Variants in RASA4B observed in about 807,000 individuals in gnomAD.
RASA4B encodes ras GTPase-activating protein 4B.
RASA4B carries 2 observed loss-of-function variants against 24.2 expected under a neutral mutation model. The ratio of observed to expected loss-of-function variants is 0.08; its 90% confidence interval spans 0.03 to 0.26. RASA4B has a LOEUF of 0.26. Ranked by LOEUF, RASA4B falls within the 10% of genes least tolerant of loss-of-function variation. The pLI, the probability that RASA4B is intolerant of heterozygous loss-of-function variation, is 1.00. For synonymous variants in RASA4B, 2 were observed against 125.6 expected (o/e 0.02, Z 6.58); for missense variants, 8 against 277.2 (o/e 0.03, Z 6.90).
rs1228656425 is a variant in RASA4B, at chr7:102,481,055, C to A, written c.*2537G>T. Among the ~76,000 whole-genome samples the A allele has an allele frequency of 3.3e-5, 3 of 91,008 alleles. No homozygotes were observed. Among genetic ancestry groups the A allele is most frequent in the African/African-American group, 9.3e-5 (3 of 32,200 alleles). The allele number at this position is 91,008 out of a possible 152,430, so 59.7% of individuals were successfully genotyped here. On this transcript the variant is annotated 3_prime_UTR_variant, in exon 21 of 21. Transcript: ENST00000465829. ...TGTTTTGTTGCAATTGGTTAAATAT[C>A]TTCTCTTTTTTATACTTTTTATTGT...
intron 8 of RASA4B, among the ~76,000 whole-genome samples, chr7:102,498,489 T>TAGGA (rs1425624802): frequency 2.1e-5 from 3 of 145,152 alleles, no homozygotes; most frequent in Non-Finnish European, 4.6e-5. Flanking sequence ...CTTGAACTCC[T>TAGGA]GATCTCATGA....
intron 17 of RASA4B, among the ~76,000 whole-genome samples, chr7:102,489,574 C>G (rs1375867476): frequency 6.8e-6 from 1 of 147,322 alleles, no homozygotes; most frequent in Non-Finnish European, 1.5e-5. Flanking sequence ...CTCACTGCAA[C>G]CTCCACCTCC....
At chr7:102,509,106 C>CA (rs1799628428) in intron 4 of RASA4B, among the ~76,000 whole-genome samples, 1 of 89,348 alleles carries the variant, frequency 1.1e-5, no homozygotes, top group Non-Finnish European at 2.3e-5. Flanking sequence ...CGTGCCCGGC[C>CA]TTTTTTTTAA....
At chr7:102,489,583 C>T (rs1362023341) in intron 17 of RASA4B, among the ~76,000 whole-genome samples, 6 of 147,832 alleles carry the variant, frequency 4.1e-5, no homozygotes, top group Non-Finnish European at 7.5e-5. Flanking sequence ...ACCTCCACCT[C>T]CCAGGTTCAA....
At chr7:102,506,326 C>G (rs1269647336) in intron 5 of RASA4B, among the ~76,000 whole-genome samples, 2 of 152,264 alleles carry the variant, frequency 1.3e-5, no homozygotes, top group Non-Finnish European at 2.9e-5. Context: ...TCTCGGCTCA[C>G]TGCAACCTCT....
intron 5 of RASA4B, among the ~76,000 whole-genome samples, chr7:102,506,311 C>T (rs1452281382): frequency 3.9e-5 from 6 of 152,262 alleles, no homozygotes; most frequent in African/African-American, 1.2e-4. Flanking sequence ...AGTGCAGTGG[C>T]GCCATCTCGG....
At chr7:102,507,510 C>CAAAA in intron 4 of RASA4B, among the ~76,000 whole-genome samples, 2 of 97,680 alleles carry the variant, frequency 2.0e-5, no homozygotes, top group Non-Finnish European at 4.1e-5. Flanking sequence ...GACCCCATCT[C>CAAAA]AAAAAAAAAA....
intron 2 of RASA4B, among the ~76,000 whole-genome samples, chr7:102,511,429 G>A (rs1273849725): frequency 8.9e-6 from 1 of 112,756 alleles, no homozygotes; most frequent in Non-Finnish European, 1.9e-5. Context: ...GCCAGGACCA[G>A]GGAGGGGAAG....
chr7:102,500,130 A>G (rs1799308542), intron 8 of RASA4B, among the ~76,000 whole-genome samples: 1 of 17,796 alleles, frequency 5.6e-5, no homozygotes, highest in Non-Finnish European at 1.5e-4. Flanking sequence ...TCCATCTCAA[A>G]AAAAAGACAG....
intron 19 of RASA4B, among the ~76,000 whole-genome samples, chr7:102,484,740 C>CGAA (rs1798649675): frequency 6.7e-6 from 1 of 149,488 alleles, no homozygotes; most frequent in African/African-American, 2.4e-5. Flanking sequence ...AACCACTGGA[C>CGAA]GAAGCAAGAT....
In RASA4B at chr7:102,509,106, C is replaced by CTTTT. The variant is rs1172102959; in HGVS notation, c.298+489_298+492dup. 5.6e-5 allele frequency among the ~76,000 whole-genome samples: 5 copies of CTTTT among 89,348 alleles called. No individual in the cohort carries two copies. In the East Asian group the frequency reaches 1.4e-3, roughly 24 times the overall value. The allele number at this position is 89,348 out of a possible 152,430, so 58.6% of individuals were successfully genotyped here. A position where few individuals can be genotyped will look rare whatever the true frequency, so the allele number is the denominator to read the frequency against. On this transcript the variant is annotated intron_variant, in intron 4 of 20. Transcript: ENST00000465829. ...ACAGGTGTGAGCCACCGTGCCCGGC[C>CTTTT]TTTTTTTTAAAAAAAAACTATATAA...
intron 16 of RASA4B, among the ~76,000 whole-genome samples, chr7:102,491,949 C>CAA (rs1247978634): frequency 4.2e-5 from 1 of 23,900 alleles, no homozygotes; most frequent in African/African-American, 7.2e-5. Flanking sequence ...CCCATCTCCG[C>CAA]AAAAAAAAAA....
rs1451420428 is a variant in RASA4B at position 102,480,974 on chromosome 7, G to C, written c.*2618C>G. On this transcript the variant is annotated 3_prime_UTR_variant, in exon 21 of 21. Transcript: ENST00000465829. The stretch of plus-strand genomic sequence containing the variant: ...AATTAATAATTCCAATCATCCTATA[G>C]TTGATTAGTGTTCAAATTTCCAATT... 1.1e-5 allele frequency among the ~76,000 whole-genome samples: 1 copy of C among 89,854 alleles called. No homozygotes were observed. Among genetic ancestry groups the C allele is most frequent in the Admixed American group, 1.1e-4 (1 of 8,884 alleles). The allele number at this position is 89,854 out of a possible 152,430, so 58.9% of individuals were successfully genotyped here.
chr7:102,487,353 A>G lies in RASA4B; in HGVS notation c.2104+1110T>C, dbSNP rs1798760358. Among the ~76,000 whole-genome samples the G allele has an allele frequency of 4.0e-5, 2 of 49,998 alleles. 1 individual carries two copies. Among genetic ancestry groups the G allele is most frequent in the African/African-American group, 8.9e-5 (2 of 22,384 alleles). The allele number at this position is 49,998 out of a possible 152,430, so 32.8% of individuals were successfully genotyped here. A position where few individuals can be genotyped will look rare whatever the true frequency, so the allele number is the denominator to read the frequency against. On this transcript the variant is annotated intron_variant, in intron 18 of 20. Transcript: ENST00000465829. Reference sequence around the variant, plus strand: ...TCAAGCCACATTTCAAGTGCTCAAGAACCACAGGTGCTAGAACCTAGAGTA... The same window carrying G: ...TCAAGCCACATTTCAAGTGCTCAAGGACCACAGGTGCTAGAACCTAGAGTA...
In RASA4B at chr7:102,493,690, C is replaced by G. The variant is rs557445924; in HGVS notation, c.1660+135G>C. 367 of 226,438 alleles carry G rather than the reference C, an allele frequency of 1.6e-3. 108 individuals are homozygous for G. Among genetic ancestry groups the G allele is most frequent in the African/African-American group, 6.4e-3 (314 of 49,184 alleles). 14.0% of individuals were successfully genotyped at this position (226,438 alleles called of 1,614,324 possible). On this transcript the variant is annotated intron_variant, in intron 15 of 20. Transcript: ENST00000465829. Reference sequence around the variant, plus strand: ...GGTGCGTGGGTCTATGGCCTAGGGGCCTGGCAAATGCCAACAGCAGGCGGT... The same window carrying G: ...GGTGCGTGGGTCTATGGCCTAGGGGGCTGGCAAATGCCAACAGCAGGCGGT...
intron 16 of RASA4B, among the ~76,000 whole-genome samples, chr7:102,492,495 CCT>C (rs1188438400): frequency 2.6e-5 from 2 of 75,750 alleles, no homozygotes; most frequent in Admixed American, 2.0e-4. Context: ...GGAAGCCTCC[CCT>C]GTTTGCCCTA....
At chr7:102,512,868 G>A (rs1224980102) in intron 1 of RASA4B, among the ~76,000 whole-genome samples, 1 of 149,448 alleles carries the variant, frequency 6.7e-6, no homozygotes, top group Non-Finnish European at 1.5e-5. Context: ...GAGGGAGGGG[G>A]TGAGAGGGAG....
intron 16 of RASA4B, among the ~76,000 whole-genome samples, chr7:102,492,747 C>T (rs375392499): frequency 0.38 from 14,678 of 39,036 alleles, 4,654 homozygotes; most frequent in East Asian, 0.99. Flanking sequence ...TCACTGCAAC[C>T]TCCGCCTCCC....
chr7:102,490,070 C>T (rs369937855), intron 17 of RASA4B, among the ~76,000 whole-genome samples: 8,388 of 37,152 alleles, frequency 0.23, 2 homozygotes, highest in Admixed American at 0.26. Flanking sequence ...AGGCATGAGC[C>T]GACATTTGAA....
Sources: allele counts gnomAD v4.1 joint callset (sites outside exome capture counted in the v4.1 genomes callset), GRCh38; gene constraint gnomAD v4.1.1; transcripts MANE v1.5; gene names NCBI Gene and HGNC (gene_info 2026-07-23, HGNC 2026-07-21).